Variants in AMPH observed in about 807,000 individuals in gnomAD.
AMPH encodes the protein amphiphysin.
AMPH carries 49 observed loss-of-function variants against 99.1 expected under a neutral mutation model. The ratio of observed to expected loss-of-function variants is 0.49; its 90% confidence interval spans 0.39 to 0.63. The LOEUF (loss-of-function observed/expected upper bound fraction) is 0.63. Among genes scored for constraint, AMPH ranks in the 20% least tolerant of loss-of-function variants. The pLI is 0.00. For synonymous variants in AMPH, 314 were observed against 317.3 expected, an observed-to-expected ratio of 0.99 and a Z score of 0.11; for missense variants, 759 against 863.4, an observed-to-expected ratio of 0.88 and a Z score of 1.52.
intron 2 of AMPH, among the ~76,000 whole-genome samples, chr7:38,529,847 T>C (rs888234283): frequency 1.3e-5 from 2 of 152,166 alleles, no homozygotes; most frequent in Non-Finnish European, 2.9e-5. Context: ...CTCAAGCAAA[T>C]TGCAAAAAGC....
intron 2 of AMPH, among the ~76,000 whole-genome samples, chr7:38,521,819 C>T (rs774006207): frequency 6.6e-6 from 1 of 152,156 alleles, no homozygotes; most frequent in Non-Finnish European, 1.5e-5. Context: ...AGTTTTCTTA[C>T]ATGATAGTAA....
rs142379483 is a variant in AMPH, at chr7:38,567,047, C to A, written c.70-32036G>T. Among the ~76,000 whole-genome samples, 70 of 152,168 alleles carry A rather than the reference C, an allele frequency of 4.6e-4. No homozygotes were observed. The East Asian group carries it at 0.012, about 26-fold the overall frequency. ...AGCAATCCCATTACTGGACATATAC[C>A]CAAAGGATTATAAATCATTCTACCA... On this transcript the variant is annotated intron_variant, in intron 1 of 20. Transcript: ENST00000356264.
intron 2 of AMPH, among the ~76,000 whole-genome samples, chr7:38,532,741 A>G (rs902136909): frequency 3.8e-4 from 32 of 85,256 alleles, no homozygotes; most frequent in African/African-American, 1.0e-3. Context: ...GAAAGCTGGG[A>G]AAAAAAAAAA....
At position 38,467,640 on chromosome 7, in the gene AMPH, A is replaced by ATGTGTGTGTGTGTGTGTGTG. The variant is rs70977407; in HGVS notation, c.591-1412_591-1393dup. 1.3e-3 allele frequency among the ~76,000 whole-genome samples: 189 copies of ATGTGTGTGTGTGTGTGTGTG among 148,842 alleles called. 1 individual carries two copies. Among genetic ancestry groups the ATGTGTGTGTGTGTGTGTGTG allele is most frequent in the African/African-American group, 4.4e-3 (178 of 40,306 alleles). On this transcript the variant is annotated intron_variant, in intron 7 of 20. Transcript: ENST00000356264. ...CTCTATTTATACTTACAATGGAAATATGTGTGTGTGTGTGTGTGTGTGTGT... is the reference window on the plus strand; with the variant it reads ...CTCTATTTATACTTACAATGGAAATATGTGTGTGTGTGTGTGTGTGTGTGTGTGTGTGTGTGTGTGTGTGT...
At chr7:38,467,414 G>C (rs1276761953) in intron 7 of AMPH, among the ~76,000 whole-genome samples, 2 of 152,134 alleles carry the variant, frequency 1.3e-5, no homozygotes, top group Admixed American at 6.5e-5. Context: ...AAGTCTTCTG[G>C]GGTACTTTGA....
chr7:38,557,107 G>T (rs1175638404), intron 1 of AMPH, among the ~76,000 whole-genome samples: 1 of 152,162 alleles, frequency 6.6e-6, no homozygotes, highest in East Asian at 1.9e-4. Context: ...GGACTGATTT[G>T]GGGTGGGAAA....
At chr7:38,447,560 G>T (rs1786836896) in intron 11 of AMPH, among the ~76,000 whole-genome samples, 1 of 151,966 alleles carries the variant, frequency 6.6e-6, no homozygotes, top group Admixed American at 6.6e-5. Context: ...GCATCTGTAG[G>T]TAGTTTGCAA....
At chr7:38,615,718 C>T (rs1025866977) in intron 1 of AMPH, among the ~76,000 whole-genome samples, 3 of 152,164 alleles carry the variant, frequency 2.0e-5, no homozygotes, top group African/African-American at 7.2e-5. Flanking sequence ...GGCACAGTTA[C>T]ATCCTGTAGC....
chr7:38,399,483 A>G (rs1784781731), intron 17 of AMPH, among the ~76,000 whole-genome samples: 1 of 152,248 alleles, frequency 6.6e-6, no homozygotes. Context: ...TGTTCAGATT[A>G]GGTGTTAGCT....
intron 1 of AMPH, among the ~76,000 whole-genome samples, chr7:38,593,334 T>TAAAGAA (rs1344052613): frequency 6.6e-6 from 1 of 151,944 alleles, no homozygotes; most frequent in Admixed American, 6.6e-5. Flanking sequence ...AACAATAAGA[T>TAAAGAA]AAAGAAAAAG....
At chr7:38,396,444 G>A (rs1014838438) in intron 17 of AMPH, among the ~76,000 whole-genome samples, 2 of 152,212 alleles carry the variant, frequency 1.3e-5, no homozygotes, top group African/African-American at 4.8e-5. Context: ...GGAACTGTAA[G>A]TCCAATAAAC....
In AMPH at chr7:38,558,462, C is replaced by T. The variant is rs577486701; in HGVS notation, c.70-23451G>A. ...TCTTTGCTCGCTCAGAGAATTGAAA[C>T]TCTTCTGGACCTAAGGAGTTGTCTC... On this transcript the variant is annotated intron_variant, in intron 1 of 20. Coordinates refer to ENST00000356264, the MANE Select transcript of AMPH (RefSeq NM_001635.4). Among the ~76,000 whole-genome samples the T allele has an allele frequency of 2.0e-5, 3 of 152,292 alleles. 1 individual carries two copies. The highest frequency in any genetic ancestry group is 7.2e-5 in the African/African-American group (3 of 41,558).
At chr7:38,469,948 T>C (rs1337252204) in intron 7 of AMPH, among the ~76,000 whole-genome samples, 1 of 152,036 alleles carries the variant, frequency 6.6e-6, no homozygotes, top group Non-Finnish European at 1.5e-5. Flanking sequence ...GGCCATGAGC[T>C]CCCTCATTCA....
chr7:38,523,997 T>C (rs1790070598), intron 2 of AMPH, among the ~76,000 whole-genome samples: 1 of 152,186 alleles, frequency 6.6e-6, no homozygotes, highest in African/African-American at 2.4e-5. Context: ...CATCTTATCT[T>C]ACTAGAGATA....
intron 7 of AMPH, among the ~76,000 whole-genome samples, chr7:38,469,843 T>C (rs188366220): frequency 2.6e-5 from 4 of 152,270 alleles, no homozygotes. Flanking sequence ...ACATTCTGCA[T>C]TGGCCTCTGA....
chr7:38,540,555 G>A (rs1158887515), intron 1 of AMPH, among the ~76,000 whole-genome samples: 1 of 151,478 alleles, frequency 6.6e-6, no homozygotes, highest in Non-Finnish European at 1.5e-5. Flanking sequence ...ATATTGTGTT[G>A]GCAGCTTTCA....
chr7:38,494,531 G>T lies in AMPH; in HGVS notation c.206-4C>A. 6.2e-7 allele frequency: 1 copy of T among 1,612,760 alleles called. No individual in the cohort carries two copies. The highest frequency in any genetic ancestry group is 1.1e-5 in the South Asian group (1 of 91,068). On this transcript the variant is annotated splice_polypyrimidine_tract_variant and splice_region_variant and intron_variant, in intron 3 of 20. Transcript: ENST00000356264. ...TTCATGGAGGCCTCCTGCATGCCTA[G>T]TGTTGGAGAGAAACAACTCCCGTTA...
At chr7:38,414,123 C>G (rs1785296429) in intron 17 of AMPH, among the ~76,000 whole-genome samples, 1 of 152,210 alleles carries the variant, frequency 6.6e-6, no homozygotes, top group Non-Finnish European at 1.5e-5. Flanking sequence ...GAAGTGAGCA[C>G]ATGCATTCTG....
chr7:38,391,745 T>A lies in AMPH; in HGVS notation c.1878+3A>T. 6.2e-7 allele frequency: 1 copy of A among 1,611,284 alleles called. No individual in the cohort carries two copies. Among genetic ancestry groups the A allele is most frequent in the Non-Finnish European group, 8.5e-7 (1 of 1,179,218 alleles). On this transcript the variant is annotated splice_donor_region_variant and intron_variant, in intron 19 of 20. Coordinates refer to ENST00000356264, the MANE Select transcript of AMPH (RefSeq NM_001635.4). ...ATAAATGAGACTTAAAAAATAAGAA[T>A]ACCTTGTAGAGAAAGCCAGGAGGCA... is the stretch of plus-strand genomic sequence containing the variant.
Sources: gnomAD v4.1 joint callset for allele counts (sites outside exome capture counted in the v4.1 genomes callset) on GRCh38, gnomAD v4.1.1 for gene constraint, MANE v1.5 for transcripts, NCBI Gene and HGNC (gene_info 2026-07-23, HGNC 2026-07-21) for gene names.